TSGA10: variants seen among roughly 807,000 people sequenced by gnomAD.
TSGA10 encodes testis specific 10.
A neutral mutation model predicts 96.6 loss-of-function variants in TSGA10; 43 were observed. That is an observed-to-expected ratio of 0.44 (90% CI 0.35 to 0.57). The LOEUF (loss-of-function observed/expected upper bound fraction) is 0.57, where lower values mean the gene tolerates loss of function less well. TSGA10 is among the 20% of genes least tolerant of loss of function. The pLI, the probability that TSGA10 is intolerant of heterozygous loss-of-function variation, is 0.01. For missense variants in TSGA10, 703 were observed against 834.4 expected, an observed-to-expected ratio of 0.84 and a Z score of 1.94; for synonymous variants, 229 against 269.9, an observed-to-expected ratio of 0.85 and a Z score of 1.48.
At chr2:99,060,388 T>C (rs1363907633) in intron 16 of TSGA10, among the ~76,000 whole-genome samples, 1 of 152,134 alleles carries the variant, frequency 6.6e-6, no homozygotes, top group African/African-American at 2.4e-5. Flanking sequence ...ACAAAATATA[T>C]TTAATACCTA....
intron 17 of TSGA10, among the ~76,000 whole-genome samples, chr2:99,034,328 G>A (rs2081410960): frequency 6.6e-6 from 1 of 151,930 alleles, no homozygotes; most frequent in African/African-American, 2.4e-5. Context: ...CTTGAACCAG[G>A]GAGTCGGAGG....
intron 17 of TSGA10, among the ~76,000 whole-genome samples, chr2:99,021,887 T>A (rs2080045681): frequency 6.6e-6 from 1 of 152,214 alleles, no homozygotes; most frequent in Non-Finnish European, 1.5e-5. Context: ...TATACTTTGC[T>A]GGCAGGAGTA....
chr2:99,067,279 A>G (rs1281981988), intron 15 of TSGA10, among the ~76,000 whole-genome samples: 1 of 152,182 alleles, frequency 6.6e-6, no homozygotes, highest in African/African-American at 2.4e-5. Context: ...GTCTATCCCT[A>G]TCAAAATGGA....
chr2:99,053,146 T>G (rs1017486969), intron 16 of TSGA10, among the ~76,000 whole-genome samples: 5 of 152,158 alleles, frequency 3.3e-5, no homozygotes, highest in African/African-American at 1.2e-4. Flanking sequence ...CAAGACCAGA[T>G]GGCTTCATGG....
chr2:99,098,900 G>A (rs1244873221), intron 10 of TSGA10, among the ~76,000 whole-genome samples: 1 of 152,166 alleles, frequency 6.6e-6, no homozygotes, highest in African/African-American at 2.4e-5. Flanking sequence ...TTATTGGTAA[G>A]TTCTACAACT....
At chr2:99,027,546 C>A in intron 17 of TSGA10, among the ~76,000 whole-genome samples, 1 of 152,056 alleles carries the variant, frequency 6.6e-6, no homozygotes, top group African/African-American at 2.4e-5. Flanking sequence ...TTAATGATAT[C>A]ATGCAAAAAA....
In TSGA10 at chr2:99,141,044, C is replaced by T. The variant is rs1489390916; in HGVS notation, c.-621+13649G>A. 10 of 1,251,250 alleles carry T rather than the reference C, an allele frequency of 8.0e-6. No individual in the cohort carries two copies. In the South Asian group the frequency reaches 1.3e-4, roughly 16 times the overall value. The allele number at this position is 1,251,250 out of a possible 1,614,324, so 77.5% of individuals were successfully genotyped here. On this transcript the variant is annotated intron_variant, in intron 1 of 20. Coordinates refer to ENST00000393483, the MANE Select transcript of TSGA10 (RefSeq NM_025244.4). The stretch of plus-strand genomic sequence containing the variant: ...TCTCAGAGACCTTCCAGTCCAGTAG[C>T]AGCACTCTCCCCACCCCGCGCACCT...
At chr2:99,150,563 G>A in intron 1 of TSGA10, 1 of 1,612,972 alleles carries the variant, frequency 6.2e-7, no homozygotes, top group Non-Finnish European at 8.5e-7. Flanking sequence ...ATCCTAATGG[G>A]ATTTTCACTT....
intron 1 of TSGA10, among the ~76,000 whole-genome samples, chr2:99,151,973 G>A (rs567114125): frequency 6.6e-6 from 1 of 152,122 alleles, no homozygotes; most frequent in South Asian, 2.1e-4. Context: ...TGTGTTTGTA[G>A]GGAATATTGA....
intron 10 of TSGA10, among the ~76,000 whole-genome samples, chr2:99,092,208 T>C (rs905308193): frequency 2.6e-5 from 4 of 152,226 alleles, no homozygotes; most frequent in East Asian, 1.9e-4. Flanking sequence ...GAAATCAAGA[T>C]GGAAATTTAA....
intron 20 of TSGA10, among the ~76,000 whole-genome samples, chr2:99,013,163 T>C (rs1403488143): frequency 6.6e-6 from 1 of 152,116 alleles, no homozygotes; most frequent in Non-Finnish European, 1.5e-5. Flanking sequence ...AGGCACTAAA[T>C]GCTATGAACT....
intron 16 of TSGA10, among the ~76,000 whole-genome samples, chr2:99,047,347 C>G (rs1027961170): frequency 1.3e-5 from 2 of 152,224 alleles, no homozygotes; most frequent in African/African-American, 4.8e-5. Context: ...CAAACCGAAT[C>G]CAGCAGTACG....
intron 20 of TSGA10, among the ~76,000 whole-genome samples, chr2:99,010,575 C>T (rs1019123789): frequency 1.3e-5 from 2 of 152,202 alleles, no homozygotes; most frequent in Non-Finnish European, 2.9e-5. Context: ...CAGGAAGTGC[C>T]TTGCACACAC....
At chr2:99,050,525 G>C (rs557428026) in intron 16 of TSGA10, among the ~76,000 whole-genome samples, 2 of 152,030 alleles carry the variant, frequency 1.3e-5, no homozygotes, top group South Asian at 4.1e-4. Context: ...AACAGTAATA[G>C]AAAAAAATGG....
chr2:99,108,791 C>T, intron 7 of TSGA10, 42 bp downstream of exon 7: 1 of 1,401,896 alleles, frequency 7.1e-7, no homozygotes, highest in Non-Finnish European at 9.5e-7. Context: ...AACTCTAGAA[C>T]TCAATGTTAT....
At chr2:99,080,463 A>G (rs2087317874) in intron 11 of TSGA10, among the ~76,000 whole-genome samples, 1 of 152,158 alleles carries the variant, frequency 6.6e-6, no homozygotes, top group Non-Finnish European at 1.5e-5. Flanking sequence ...CGGTTTTAAA[A>G]TATCATTTAT....
At chr2:99,118,450 CA>C (rs34057808) in intron 3 of TSGA10, 100 bp downstream of exon 3, 120,033 of 262,852 alleles carry the variant, frequency 0.46, 15,761 homozygotes, top group East Asian at 0.59. Flanking sequence ...GACTCTATCT[CA>C]AAAAAAAAAA....
chr2:99,074,015 T>TTTTTTTTTTTTTTTTTTTTTTTC (rs2086324607), intron 12 of TSGA10, among the ~76,000 whole-genome samples: 1 of 128,122 alleles, frequency 7.8e-6, no homozygotes, highest in Non-Finnish European at 1.6e-5. Context: ...TTTTTTTTTT[T>TTTTTTTTTTTTTTTTTTTTTTTC]TTTTTTTTTT....
At chr2:99,147,423 T>G (rs1360461866) in intron 1 of TSGA10, 2 of 1,602,582 alleles carry the variant, frequency 1.2e-6, no homozygotes, top group Admixed American at 3.3e-5. Flanking sequence ...AATGGCAACC[T>G]AAATGCCAGT....
Sources: allele counts gnomAD v4.1 joint callset (sites outside exome capture counted in the v4.1 genomes callset), GRCh38; gene constraint gnomAD v4.1.1; transcripts MANE v1.5; gene names NCBI Gene and HGNC (gene_info 2026-07-23, HGNC 2026-07-21).